The following TRIM69 variants were observed in gnomAD, a reference collection of about 807,000 sequenced individuals.
The protein encoded by TRIM69 is tripartite motif containing 69.
Under a neutral mutation model 37.7 loss-of-function variants are expected in TRIM69, and 29 were observed. That is an observed-to-expected ratio of 0.77 (90% CI 0.57 to 1.05). TRIM69 has a LOEUF of 1.05. TRIM69 is among the 50% of genes least tolerant of loss of function. The pLI is 0.00. For missense variants in TRIM69, 596 were observed against 579.9 expected, an observed-to-expected ratio of 1.03 and a Z score of -0.28; for synonymous variants, 209 against 212.4, an observed-to-expected ratio of 0.98 and a Z score of 0.14.
chr15:44,745,565 C>A (rs1211151540), intron 1 of TRIM69, among the ~76,000 whole-genome samples: 1 of 152,056 alleles, frequency 6.6e-6, no homozygotes, highest in Non-Finnish European at 1.5e-5. Context: ...CCTGAGGAAG[C>A]TCAGACATTG....
At chr15:44,758,978 T>C (rs1052655002) in intron 4 of TRIM69, 124 bp downstream of exon 4, 10 of 1,201,116 alleles carry the variant, frequency 8.3e-6, no homozygotes, top group African/African-American at 1.6e-5. Context: ...ACAAAACTGT[T>C]ATAGTGCTTT....
chr15:44,750,728 T>TTTC (rs2087503881), intron 1 of TRIM69, among the ~76,000 whole-genome samples: 1 of 119,072 alleles, frequency 8.4e-6, no homozygotes, highest in African/African-American at 3.3e-5. Context: ...TTTTTTTTTT[T>TTTC]TTTTTTTTTT....
intron 1 of TRIM69, among the ~76,000 whole-genome samples, chr15:44,748,461 A>G (rs995546028): frequency 1.3e-5 from 2 of 152,166 alleles, no homozygotes; most frequent in Admixed American, 6.5e-5. Flanking sequence ...GTGGCTATTC[A>G]TCAAATAGTA....
intron 1 of TRIM69, among the ~76,000 whole-genome samples, chr15:44,752,066 T>C (rs2087545372): frequency 6.6e-6 from 1 of 152,066 alleles, no homozygotes; most frequent in Non-Finnish European, 1.5e-5. Flanking sequence ...GTATTTTTGT[T>C]TTTACTCATC....
chr15:44,752,589 C>T (rs1275611275), intron 1 of TRIM69, among the ~76,000 whole-genome samples: 1 of 152,086 alleles, frequency 6.6e-6, no homozygotes, highest in Non-Finnish European at 1.5e-5. Flanking sequence ...CTAATCTGTG[C>T]CTTTTAATCA....
At position 44,760,824 on chromosome 15, in the gene TRIM69, T is replaced by C. The variant is rs371567632; in HGVS notation, c.961+952T>C. ...AGCCTCTAACATTCACTGACATGTT[T>C]TATTTCACTTTAAATGTGTCTTTTC... On this transcript the variant is annotated intron_variant, in intron 6 of 6. Transcript: ENST00000329464. Among the ~76,000 whole-genome samples the C allele has an allele frequency of 8.5e-5, 13 of 152,296 alleles. No homozygotes were observed. In the South Asian group the frequency reaches 2.1e-3, roughly 24 times the overall value.
In TRIM69 at chr15:44,758,647, T is replaced by C; in HGVS notation, c.606T>C (p.His202=). The change falls in exon 4 of 7, where the codon CAT becomes CAC. Residue 202 remains histidine (H), a synonymous_variant. Coordinates refer to ENST00000329464, the MANE Select transcript of TRIM69 (RefSeq NM_182985.5). ...AAAACAAGCTACATCTGCAGCAACA[T>C]GTGTCCATGGAGTTTCTAAAGCTGC... ...HKENKLHLQQ[H]VSMEFLKLHQ... 1.2e-6 allele frequency: 2 copies of C among 1,614,106 alleles called. No homozygotes were observed. The highest frequency in any genetic ancestry group is 1.7e-6 in the Non-Finnish European group (2 of 1,180,008).
intron 1 of TRIM69, among the ~76,000 whole-genome samples, chr15:44,752,092 A>G (rs946270396): frequency 5.3e-5 from 8 of 151,994 alleles, no homozygotes; most frequent in African/African-American, 1.9e-4. Flanking sequence ...GTATTTTCTA[A>G]TATTACTTAT....
At chr15:44,767,053 C>CAAAAAGAAAAA (rs2087905046) in intron 6 of TRIM69, among the ~76,000 whole-genome samples, 178 bp from the exon 7 acceptor site, 1 of 24,312 alleles carries the variant, frequency 4.1e-5, no homozygotes, top group Admixed American at 9.0e-4. Context: ...TTGTCTGCCT[C>CAAAAAGAAAAA]AAAAAAAAAA....
intron 1 of TRIM69, among the ~76,000 whole-genome samples, chr15:44,741,972 C>G (rs545238507): frequency 9.8e-5 from 15 of 152,320 alleles, no homozygotes; most frequent in Admixed American, 2.0e-4. Flanking sequence ...TTTTATGAGG[C>G]CAGCATTATC....
At chr15:44,748,402 T>G (rs2087451143) in intron 1 of TRIM69, among the ~76,000 whole-genome samples, 1 of 152,152 alleles carries the variant, frequency 6.6e-6, no homozygotes, top group South Asian at 2.1e-4. Context: ...ATTTACACCA[T>G]TAGACCTTTA....
intron 1 of TRIM69, chr15:44,753,907 G>C (rs924341984): frequency 6.6e-6 from 1 of 151,912 alleles, no homozygotes; most frequent in African/African-American, 2.4e-5. Context: ...GTAGAGACAG[G>C]GTTTCACCAT....
chr15:44,767,388 C>T lies in TRIM69; in HGVS notation c.1119C>T (p.Phe373=). Reference sequence around the variant, plus strand: ...TGGCTGTACTGGGCTCAAGAGGCTTCACCTCTGGAAAGTGGTACTGGGAAG... The same window carrying T: ...TGGCTGTACTGGGCTCAAGAGGCTTTACCTCTGGAAAGTGGTACTGGGAAG... ...SSVAVLGSRG[F]TSGKWYWEVE... is the part of the protein sequence containing the mutation. Residue 373 remains phenylalanine (F), a synonymous_variant, in exon 7 of 7, where the codon TTC becomes TTT. Transcript: ENST00000329464. The T allele has an allele frequency of 1.2e-6, 2 of 1,614,104 alleles. No homozygotes were observed. The highest frequency in any genetic ancestry group is 1.7e-5 in the Admixed American group (1 of 60,016).
intron 6 of TRIM69, among the ~76,000 whole-genome samples, chr15:44,761,249 C>T (rs762268465): frequency 2.6e-5 from 4 of 152,090 alleles, no homozygotes; most frequent in Non-Finnish European, 5.9e-5. Flanking sequence ...TATGTTGTTC[C>T]ATGTATCAAT....
At position 44,767,749 on chromosome 15, in the gene TRIM69, T is replaced by C; in HGVS notation, c.1480T>C (p.Leu494=). ...TGATGGTGGAGAGAATAAAGAACCATTGCACATCTTACATCCACAGTAATG... is the reference window on the plus strand; with the variant it reads ...TGATGGTGGAGAGAATAAAGAACCACTGCACATCTTACATCCACAGTAATG... The part of the protein sequence containing the change: ...LNDGGENKEP[L]HILHPQ Residue 494 remains leucine (L), a synonymous_variant, in exon 7 of 7, where the codon TTG becomes CTG. Coordinates refer to ENST00000329464, the MANE Select transcript of TRIM69 (RefSeq NM_182985.5). 2 of 1,612,712 alleles carry C rather than the reference T, an allele frequency of 1.2e-6. No individual in the cohort carries two copies. The highest frequency in any genetic ancestry group is 1.7e-6 in the Non-Finnish European group (2 of 1,179,844).
In TRIM69 at chr15:44,736,678, C is replaced by A; in HGVS notation, c.-27C>A. 6.2e-7 allele frequency: 1 copy of A among 1,611,934 alleles called. No homozygotes were observed. The highest frequency in any genetic ancestry group is 8.5e-7 in the Non-Finnish European group (1 of 1,179,024). On this transcript the variant is annotated 5_prime_UTR_variant, in exon 1 of 7. Coordinates refer to ENST00000329464, the MANE Select transcript of TRIM69 (RefSeq NM_182985.5). ...GCTGAGCTCTGATTCAAGTGCCTGC[C>A]TCTGCCCCTTGGTGGGCTGAAGCTT...
chr15:44,740,492 A>C (rs1376044247), intron 1 of TRIM69, among the ~76,000 whole-genome samples: 1 of 152,264 alleles, frequency 6.6e-6, no homozygotes, highest in Non-Finnish European at 1.5e-5. Context: ...AAAAGAATTT[A>C]GATGAATGTA....
At chr15:44,751,795 G>T (rs2087538319) in intron 1 of TRIM69, among the ~76,000 whole-genome samples, 2 of 152,134 alleles carry the variant, frequency 1.3e-5, no homozygotes. Context: ...ACCCATGCTG[G>T]AGTGTGTAGA....
chr15:44,746,615 G>A (rs2087412815), intron 1 of TRIM69, among the ~76,000 whole-genome samples: 2 of 152,144 alleles, frequency 1.3e-5, no homozygotes, highest in African/African-American at 4.8e-5. Flanking sequence ...CCATTCCTGT[G>A]GGCTGGAGGT....
Sources: gnomAD v4.1 joint callset for allele counts (sites outside exome capture counted in the v4.1 genomes callset) on GRCh38, gnomAD v4.1.1 for gene constraint, MANE v1.5 for transcripts, NCBI Gene and HGNC (gene_info 2026-07-23, HGNC 2026-07-21) for gene names.